Variants in TBC1D7 observed in about 807,000 individuals in gnomAD.
TBC1D7 encodes the protein TBC1 domain family member 7, also known as TBC domain family 7.
A neutral mutation model predicts 35.3 loss-of-function variants in TBC1D7; 33 were observed. The observed-to-expected ratio is 0.93, with a 90% confidence interval of 0.71 to 1.25. The LOEUF is 1.25. TBC1D7 is among the 50% of genes most tolerant of loss of function. TBC1D7 has a pLI of 0.00. For missense variants in TBC1D7, 362 were observed against 365.3 expected (o/e 0.99, Z 0.07); for synonymous variants, 135 against 129.5 (o/e 1.04, Z -0.29).
intron 4 of TBC1D7, among the ~76,000 whole-genome samples, chr6:13,317,677 C>T (rs997812689): frequency 9.8e-5 from 15 of 152,306 alleles, no homozygotes; most frequent in Non-Finnish European, 1.6e-4. Flanking sequence ...AGGAAAATCT[C>T]CTTTCTTGGA....
chr6:13,324,002 C>G (rs933762239), intron 3 of TBC1D7, among the ~76,000 whole-genome samples: 3 of 152,222 alleles, frequency 2.0e-5, no homozygotes, highest in African/African-American at 4.8e-5. Flanking sequence ...TCTATGTAAA[C>G]TACTCAGCCT....
chr6:13,306,353 G>A (rs1417027504), intron 7 of TBC1D7, 45 bp downstream of exon 7: 13 of 1,550,282 alleles, frequency 8.4e-6, no homozygotes, highest in South Asian at 1.3e-5. Context: ...GACTTGCTAA[G>A]GTAACTTCAT....
At chr6:13,320,823 T>A (rs538088502) in intron 4 of TBC1D7, 85 bp downstream of exon 4, 2 of 1,395,524 alleles carry the variant, frequency 1.4e-6, no homozygotes, top group African/African-American at 2.8e-5. Flanking sequence ...CAAAAGTTTT[T>A]AAGGCAAAAC....
At chr6:13,310,055 A>C (rs1057409160) in intron 5 of TBC1D7, among the ~76,000 whole-genome samples, 36 of 152,164 alleles carry the variant, frequency 2.4e-4, no homozygotes, top group Non-Finnish European at 3.4e-4. Flanking sequence ...GTAGGGAAAC[A>C]ATCTACTGGT....
intron 4 of TBC1D7, among the ~76,000 whole-genome samples, chr6:13,317,648 A>T (rs1783730217): frequency 6.6e-6 from 1 of 152,230 alleles, no homozygotes; most frequent in Non-Finnish European, 1.5e-5. Context: ...AATGGAAAAT[A>T]AGTAGGAAGA....
intron 3 of TBC1D7, among the ~76,000 whole-genome samples, chr6:13,323,135 C>T (rs1353788664): frequency 3.3e-5 from 5 of 152,104 alleles, no homozygotes; most frequent in African/African-American, 1.2e-4. Flanking sequence ...GGTGGACTGC[C>T]TGAGCTCAGG....
Position 13,321,006 on chromosome 6 carries a change from C to T in TBC1D7, c.283G>A (p.Val95Ile), listed in dbSNP as rs936399862. The change falls in exon 4 of 8, where the codon GTT (valine) becomes ATT (isoleucine). Residue 95 changes from valine (V) to isoleucine (I), a missense_variant. Val to Ile is a conservative substitution (Grantham distance 29). Transcript: ENST00000379300. ...YLDVLHALKV[V>I]RFVSDATPQA... ...GGTGTGGCATCACTAACAAAGCGAACGACTTTCAGGGCATGAAGGACATCC... is the reference window on the plus strand; with the variant it reads ...GGTGTGGCATCACTAACAAAGCGAATGACTTTCAGGGCATGAAGGACATCC... 6 of 1,614,148 alleles carry T rather than the reference C, an allele frequency of 3.7e-6. No individual in the cohort carries two copies. Among genetic ancestry groups the T allele is most frequent in the African/African-American group, 2.7e-5 (2 of 75,048 alleles).
At chr6:13,322,340 A>C (rs1784103512) in intron 3 of TBC1D7, among the ~76,000 whole-genome samples, 1 of 152,210 alleles carries the variant, frequency 6.6e-6, no homozygotes, top group African/African-American at 2.4e-5. Flanking sequence ...ACAGAAGTAC[A>C]GACTCTGGAG....
At chr6:13,306,165 C>G in intron 7 of TBC1D7, 1 of 317,068 alleles carries the variant, frequency 3.2e-6, no homozygotes. Context: ...ACAGGAAAAT[C>G]TCACTTGCTA....
intron 4 of TBC1D7, chr6:13,318,119 T>G (rs1216277574): frequency 2.6e-5 from 4 of 152,378 alleles, no homozygotes; most frequent in Non-Finnish European, 5.9e-5. Context: ...CTGTGCCACC[T>G]CAGGACCCTG....
chr6:13,322,726 C>T (rs375083534), intron 3 of TBC1D7, among the ~76,000 whole-genome samples: 2 of 152,168 alleles, frequency 1.3e-5, no homozygotes, highest in East Asian at 1.9e-4. Flanking sequence ...AATCTTTACT[C>T]ATGCTATGAG....
intron 5 of TBC1D7, among the ~76,000 whole-genome samples, chr6:13,310,960 T>G (rs2127526423): frequency 6.6e-6 from 1 of 152,308 alleles, no homozygotes; most frequent in Non-Finnish European, 1.5e-5. Context: ...ATTATAACCA[T>G]AATTATGTTT....
At chr6:13,320,458 A>G (rs961934589) in intron 4 of TBC1D7, 9 of 334,856 alleles carry the variant, frequency 2.7e-5, no homozygotes, top group Non-Finnish European at 5.0e-5. Flanking sequence ...ATGATTTAGG[A>G]AAAAAAAAAT....
chr6:13,323,064 A>C (rs981487903), intron 3 of TBC1D7, among the ~76,000 whole-genome samples: 2 of 152,074 alleles, frequency 1.3e-5, no homozygotes, highest in African/African-American at 4.8e-5. Flanking sequence ...CATGATAAAG[A>C]AAGGTGGGCC....
intron 2 of TBC1D7, among the ~76,000 whole-genome samples, chr6:13,325,474 C>A (rs1562175418): frequency 6.6e-6 from 1 of 152,094 alleles, no homozygotes; most frequent in Non-Finnish European, 1.5e-5. Context: ...ACCAGCCTGG[C>A]CAACATGGCA....
chr6:13,319,625 T>C (rs1450352953), intron 4 of TBC1D7: 1 of 152,182 alleles, frequency 6.6e-6, no homozygotes, highest in Non-Finnish European at 1.5e-5. Flanking sequence ...GCTGTCAGTA[T>C]TGTGATTCTC....
chr6:13,312,524 C>A (rs1415151689), intron 5 of TBC1D7, among the ~76,000 whole-genome samples: 2 of 151,818 alleles, frequency 1.3e-5, no homozygotes, highest in Non-Finnish European at 2.9e-5. Flanking sequence ...CCCGTCTCTA[C>A]TAAAAATACA....
At chr6:13,312,729 T>A (rs551019291) in intron 5 of TBC1D7, among the ~76,000 whole-genome samples, 62 of 136,164 alleles carry the variant, frequency 4.6e-4, no homozygotes, top group African/African-American at 1.2e-3. Flanking sequence ...AACAAAAAAA[T>A]ATATATTTTT....
chr6:13,318,236 C>T (rs1002755094), intron 4 of TBC1D7: 1 of 152,158 alleles, frequency 6.6e-6, no homozygotes, highest in Non-Finnish European at 1.5e-5. Flanking sequence ...ATAAATTATC[C>T]GATTTCAGGT....
Sources: allele counts gnomAD v4.1 joint callset (sites outside exome capture counted in the v4.1 genomes callset), GRCh38; gene constraint gnomAD v4.1.1; transcripts MANE v1.5; gene names NCBI Gene and HGNC (gene_info 2026-07-23, HGNC 2026-07-21).